The following DYNC2LI1 variants were observed in gnomAD, a reference collection of about 807,000 sequenced individuals.
DYNC2LI1 encodes the protein dynein cytoplasmic 2 light intermediate chain 1.
In DYNC2LI1, 45 loss-of-function variants were observed where a neutral mutation model predicts 51.9. That is an observed-to-expected ratio of 0.87 (90% CI 0.68 to 1.11). The LOEUF (loss-of-function observed/expected upper bound fraction) is 1.11, where lower values mean the gene tolerates loss of function less well. DYNC2LI1 is among the 50% of genes most tolerant of loss of function. The probability of loss-of-function intolerance (pLI) is 0.00; values close to 1 mark genes in which losing one functional copy is unlikely to be tolerated. For missense variants in DYNC2LI1, 490 were observed against 417.4 expected, an observed-to-expected ratio of 1.17 and a Z score of -1.51; for synonymous variants, 130 against 137.8, an observed-to-expected ratio of 0.94 and a Z score of 0.40.
intron 12 of DYNC2LI1, among the ~76,000 whole-genome samples, chr2:43,807,657 A>C (rs946883836): frequency 4.7e-5 from 7 of 147,736 alleles, no homozygotes; most frequent in African/African-American, 1.0e-4. Context: ...CGCCTAAAGC[A>C]ATCCTCCTGA....
At chr2:43,795,242 A>G (rs558772893) in intron 6 of DYNC2LI1, 32 of 962,988 alleles carry the variant, frequency 3.3e-5, no homozygotes, top group Non-Finnish European at 9.9e-6. Flanking sequence ...GCGATGGCTC[A>G]TGCTTGTAAT....
At chr2:43,825,894 G>A in the DYNC2LI1 span, among the ~76,000 whole-genome samples, 1 of 152,186 alleles carries the variant, frequency 6.6e-6, no homozygotes, top group Non-Finnish European at 1.5e-5. Flanking sequence ...TTGGAACATG[G>A]TAGGTGCTGA....
intron 5 of DYNC2LI1, among the ~76,000 whole-genome samples, chr2:43,791,232 G>C (rs1371173508): frequency 2.6e-5 from 4 of 152,012 alleles, no homozygotes; most frequent in Non-Finnish European, 5.9e-5. Context: ...TTAAAAAAGA[G>C]AGAGAGAGAG....
intron 2 of DYNC2LI1, among the ~76,000 whole-genome samples, chr2:43,780,943 C>A (rs2104664718): frequency 6.6e-6 from 1 of 152,224 alleles, no homozygotes; most frequent in Middle Eastern, 3.4e-3. Context: ...CCAGAGTGTA[C>A]TAATGAATTT....
chr2:43,824,536 T>C, the DYNC2LI1 span: 2 of 1,592,184 alleles, frequency 1.3e-6, no homozygotes, highest in Non-Finnish European at 1.7e-6. Context: ...CCTCATCCCA[T>C]CAAGATAAAA....
At chr2:43,825,246 C>G in the DYNC2LI1 span, among the ~76,000 whole-genome samples, 1 of 152,176 alleles carries the variant, frequency 6.6e-6, no homozygotes, top group Non-Finnish European at 1.5e-5. Flanking sequence ...GCCTAGGCTA[C>G]CACTGTGGGT....
intron 5 of DYNC2LI1, among the ~76,000 whole-genome samples, chr2:43,792,361 G>A (rs971816871): frequency 1.3e-5 from 2 of 152,044 alleles, no homozygotes; most frequent in East Asian, 3.8e-4. Context: ...TTATAATTTT[G>A]TGCTATGTCT....
At chr2:43,814,261 G>A (rs1255393115), downstream of DYNC2LI1, among the ~76,000 whole-genome samples, 1 of 152,146 alleles carries the variant, frequency 6.6e-6, no homozygotes, top group Non-Finnish European at 1.5e-5. Context: ...ACATCCAAGT[G>A]TCCCTTACCT....
chr2:43,781,620 T>C (rs75245763), intron 2 of DYNC2LI1: 1 of 149,800 alleles, frequency 6.7e-6, no homozygotes, highest in Non-Finnish European at 1.5e-5. Context: ...TTTTTTTTTT[T>C]GAGACAGAGT....
At chr2:43,823,708 G>A in the DYNC2LI1 span, among the ~76,000 whole-genome samples, 2 of 152,158 alleles carry the variant, frequency 1.3e-5, no homozygotes, top group Non-Finnish European at 2.9e-5. Flanking sequence ...TGGATCCTTA[G>A]CCCTCAGAGA....
At chr2:43,777,008 C>G (rs1246982824) in intron 2 of DYNC2LI1, 109 bp downstream of exon 2, 4 of 587,724 alleles carry the variant, frequency 6.8e-6, no homozygotes, top group Non-Finnish European at 1.2e-5. Flanking sequence ...ACCAGATGAC[C>G]AATCTGGTTT....
In DYNC2LI1 at chr2:43,809,868, G is replaced by A; in HGVS notation, c.*101G>A. 6.9e-7 allele frequency: 1 copy of A among 1,453,434 alleles called. No individual in the cohort carries two copies. The highest frequency in any genetic ancestry group is 9.1e-7 in the Non-Finnish European group (1 of 1,104,878). The allele number at this position is 1,453,434 out of a possible 1,614,324, so 90.0% of individuals were successfully genotyped here. ...GGCAATATGTGAAGAAAGTTAAACTGTATAATTTGTTAAAGGACAAGCTGG... is the reference window on the plus strand; with the variant it reads ...GGCAATATGTGAAGAAAGTTAAACTATATAATTTGTTAAAGGACAAGCTGG... On this transcript the variant is annotated 3_prime_UTR_variant, in exon 13 of 13. Coordinates refer to ENST00000260605, the MANE Select transcript of DYNC2LI1 (RefSeq NM_016008.4).
At chr2:43,819,909 T>A in the DYNC2LI1 span, 1 of 1,614,024 alleles carries the variant, frequency 6.2e-7, no homozygotes, top group South Asian at 1.1e-5. Flanking sequence ...AATTATGATA[T>A]CTTACCTGAG....
At chr2:43,795,254 C>A in intron 6 of DYNC2LI1, 1 of 949,720 alleles carries the variant, frequency 1.1e-6, no homozygotes, top group Non-Finnish European at 1.3e-6. Flanking sequence ...GCTTGTAATC[C>A]CAGCACTTTG....
chr2:43,809,867 T>C lies in DYNC2LI1; in HGVS notation c.*100T>C. ...TGGCAATATGTGAAGAAAGTTAAAC[T>C]GTATAATTTGTTAAAGGACAAGCTG... On this transcript the variant is annotated 3_prime_UTR_variant, in exon 13 of 13. Coordinates refer to ENST00000260605, the MANE Select transcript of DYNC2LI1 (RefSeq NM_016008.4). The C allele has an allele frequency of 6.9e-7, 1 of 1,456,644 alleles. No individual in the cohort carries two copies. Among genetic ancestry groups the C allele is most frequent in the Non-Finnish European group, 9.0e-7 (1 of 1,106,666 alleles). 90.2% of individuals were successfully genotyped at this position (1,456,644 alleles called of 1,614,324 possible).
rs748014141 is a variant in DYNC2LI1 at position 43,792,685 on chromosome 2, A to G, written c.321-1772A>G. 10 of 1,544,754 alleles carry G rather than the reference A, an allele frequency of 6.5e-6. No homozygotes were observed. In the South Asian group the frequency reaches 7.3e-5, roughly 11 times the overall value. On this transcript the variant is annotated intron_variant, in intron 5 of 12. Coordinates refer to ENST00000260605, the MANE Select transcript of DYNC2LI1 (RefSeq NM_016008.4). ...GTTTTTCCTTCCCCAGCTCCTGGCA[A>G]CTATCATCCCTACTGCCTGTCTCTA... is the stretch of plus-strand genomic sequence containing the variant.
intron 3 of DYNC2LI1, among the ~76,000 whole-genome samples, chr2:43,786,497 G>A (rs1389757017): frequency 6.6e-6 from 1 of 152,088 alleles, no homozygotes; most frequent in Non-Finnish European, 1.5e-5. Context: ...TTGCATTGAT[G>A]TTTTAAATTG....
At chr2:43,816,299 G>A in the DYNC2LI1 span, among the ~76,000 whole-genome samples, 1 of 152,140 alleles carries the variant, frequency 6.6e-6, no homozygotes, top group Non-Finnish European at 1.5e-5. Flanking sequence ...TTCAAGGGGT[G>A]GATAATCTAT....
Position 43,805,229 on chromosome 2 carries a change from A to G in DYNC2LI1, c.976A>G (p.Arg326Gly), listed in dbSNP as rs1474245852. 4.4e-6 allele frequency: 7 copies of G among 1,605,880 alleles called. No homozygotes were observed. Among genetic ancestry groups the G allele is most frequent in the Non-Finnish European group, 5.1e-6 (6 of 1,172,936 alleles). The change falls in exon 12 of 13, where the codon AGA (arginine) becomes GGA (glycine). Residue 326 changes from arginine to glycine, a missense_variant. Transcript: ENST00000260605. The stretch of plus-strand genomic sequence containing the variant: ...TGCTGAAAATGAAGTCGATGAGATG[A>G]GAATTCAGAAGGATCTGGTATTATC... ...QYAENEVDEM[R>G]IQKDLELEQY...
Sources: allele counts gnomAD v4.1 joint callset (sites outside exome capture counted in the v4.1 genomes callset), GRCh38; gene constraint gnomAD v4.1.1; transcripts MANE v1.5; gene names NCBI Gene and HGNC (gene_info 2026-07-23, HGNC 2026-07-21).